The following C5orf24 variants were observed in gnomAD, a reference collection of about 807,000 sequenced individuals.
C5orf24 encodes chromosome 5 open reading frame 24.
Under a neutral mutation model 9.8 loss-of-function variants are expected in C5orf24, and 4 were observed. That is an observed-to-expected ratio of 0.41 (90% CI 0.20 to 0.93). The LOEUF is 0.93. Among genes scored for constraint, C5orf24 ranks in the 40% least tolerant of loss-of-function variants. The pLI, the probability that C5orf24 is intolerant of heterozygous loss-of-function variation, is 0.33. For missense variants in C5orf24, 170 were observed against 236.9 expected (o/e 0.72, Z 1.85); for synonymous variants, 73 against 81.3 (o/e 0.90, Z 0.55).
chr5:134,847,809 C>A (rs1160197168), intron 1 of C5orf24, among the ~76,000 whole-genome samples: 2 of 151,822 alleles, frequency 1.3e-5, no homozygotes, highest in Non-Finnish European at 2.9e-5. Context: ...AAGCGATTCT[C>A]CTGCCTCAGC....
intron 1 of C5orf24, 81 bp from the exon 2 acceptor site, chr5:134,854,817 A>T: frequency 6.8e-7 from 1 of 1,464,118 alleles, no homozygotes; most frequent in Non-Finnish European, 9.3e-7. Flanking sequence ...TGGAAGACAG[A>T]CTGTTTTCTC....
chr5:134,854,259 G>A (rs1756247965), intron 1 of C5orf24, among the ~76,000 whole-genome samples: 1 of 152,094 alleles, frequency 6.6e-6, no homozygotes, highest in Non-Finnish European at 1.5e-5. Context: ...CAGTACCTTG[G>A]GCCAAGAGAT....
chr5:134,847,835 A>C (rs966568074), intron 1 of C5orf24, among the ~76,000 whole-genome samples: 2 of 151,390 alleles, frequency 1.3e-5, no homozygotes, highest in Non-Finnish European at 2.9e-5. Context: ...GAGTAGCTGG[A>C]GTTACAGGCA....
At chr5:134,837,666 CAAA>C in the C5orf24 span, among the ~76,000 whole-genome samples, 3 of 105,330 alleles carry the variant, frequency 2.8e-5, no homozygotes, top group Non-Finnish European at 2.1e-5. Flanking sequence ...GAGAACATAG[CAAA>C]AAAAAAAAAA....
At chr5:134,843,228 C>T (rs755181515), upstream of C5orf24, among the ~76,000 whole-genome samples, 4 of 152,018 alleles carry the variant, frequency 2.6e-5, no homozygotes, top group African/African-American at 7.3e-5. Context: ...CCACCTGCCT[C>T]GGCCTCCCAA....
chr5:134,852,091 C>G (rs948214097), intron 1 of C5orf24, among the ~76,000 whole-genome samples: 14 of 152,202 alleles, frequency 9.2e-5, no homozygotes, highest in Non-Finnish European at 1.6e-4. Flanking sequence ...CAGGCACGTG[C>G]CATCACGCCC....
chr5:134,837,822 C>T, the C5orf24 span, among the ~76,000 whole-genome samples: 2 of 152,148 alleles, frequency 1.3e-5, no homozygotes, highest in African/African-American at 4.8e-5. Flanking sequence ...GCAGCCAAAA[C>T]AGACCAAGAC....
At chr5:134,834,887 T>C in the C5orf24 span, among the ~76,000 whole-genome samples, 5 of 151,596 alleles carry the variant, frequency 3.3e-5, no homozygotes. Context: ...CTACTAAAAA[T>C]AAAAAAAATT....
At chr5:134,835,125 G>T in the C5orf24 span, among the ~76,000 whole-genome samples, 1 of 152,030 alleles carries the variant, frequency 6.6e-6, no homozygotes, top group African/African-American at 2.4e-5. Context: ...AGAACTGCTC[G>T]AGCCCAGGAG....
rs1756291332 is a variant in C5orf24 at position 134,855,645 on chromosome 5, C to T, written c.*178C>T. The T allele has an allele frequency of 6.8e-7, 1 of 1,462,400 alleles. No homozygotes were observed. Among genetic ancestry groups the T allele is most frequent in the Non-Finnish European group, 9.0e-7 (1 of 1,111,510 alleles). 90.6% of individuals were successfully genotyped at this position (1,462,400 alleles called of 1,614,324 possible). A position where few individuals can be genotyped will look rare whatever the true frequency, so the allele number is the denominator to read the frequency against. On this transcript the variant is annotated 3_prime_UTR_variant, in exon 2 of 2. Coordinates refer to ENST00000394976, the MANE Select transcript of C5orf24 (RefSeq NM_001135586.1). ...CATATGCTGACAGATGCACTCAGGG[C>T]ATGAGCAGCGGCATTGTATTTGTAC...
the C5orf24 span, among the ~76,000 whole-genome samples, chr5:134,836,572 C>T: frequency 6.6e-6 from 1 of 151,918 alleles, no homozygotes; most frequent in Non-Finnish European, 1.5e-5. Context: ...GAGATGGAGT[C>T]TCACTCTGTC....
chr5:134,840,801 G>A (rs1263797567), upstream of C5orf24, among the ~76,000 whole-genome samples: 1 of 152,088 alleles, frequency 6.6e-6, no homozygotes, highest in African/African-American at 2.4e-5. Flanking sequence ...CTCCCAAAGT[G>A]CTGGGATTAT....
At chr5:134,838,060 A>G in the C5orf24 span, among the ~76,000 whole-genome samples, 1 of 152,158 alleles carries the variant, frequency 6.6e-6, no homozygotes, top group Admixed American at 6.6e-5. Flanking sequence ...CAGTCTGATC[A>G]ATATAGGGAG....
upstream of C5orf24, among the ~76,000 whole-genome samples, chr5:134,844,526 G>A (rs1755945281): frequency 6.6e-6 from 1 of 152,078 alleles, no homozygotes; most frequent in South Asian, 2.1e-4. Context: ...TTTATTTTTT[G>A]TAGAGACAGA....
the C5orf24 span, among the ~76,000 whole-genome samples, chr5:134,840,398 C>T: frequency 6.6e-6 from 1 of 151,096 alleles, no homozygotes; most frequent in African/African-American, 2.4e-5. Context: ...TTTTTGAGTC[C>T]AGGTCTTGCT....
At chr5:134,850,937 T>TATACACACAC (rs762710710) in intron 1 of C5orf24, among the ~76,000 whole-genome samples, 28 of 147,052 alleles carry the variant, frequency 1.9e-4, no homozygotes, top group African/African-American at 6.5e-4. Flanking sequence ...TATATATATA[T>TATACACACAC]ACACACACAC....
upstream of C5orf24, among the ~76,000 whole-genome samples, chr5:134,841,778 C>A (rs2150169865): frequency 6.6e-6 from 1 of 152,258 alleles, no homozygotes; most frequent in Admixed American, 6.5e-5. Flanking sequence ...GTGCAAGTCA[C>A]ATGGCTATGC....
intron 1 of C5orf24, 50 bp from the exon 2 acceptor site, chr5:134,854,848 A>G (rs1043617508): frequency 1.3e-6 from 2 of 1,568,310 alleles, no homozygotes; most frequent in South Asian, 2.3e-5. Context: ...GCATACAGGT[A>G]TGTATTTGTG....
At chr5:134,844,461 C>T (rs909275007), upstream of C5orf24, among the ~76,000 whole-genome samples, 3 of 152,082 alleles carry the variant, frequency 2.0e-5, no homozygotes, top group African/African-American at 7.2e-5. Context: ...CCTTCTGTCT[C>T]AGCCTCCGTA....
Sources: gnomAD v4.1 joint callset for allele counts (sites outside exome capture counted in the v4.1 genomes callset) on GRCh38, gnomAD v4.1.1 for gene constraint, MANE v1.5 for transcripts, NCBI Gene and HGNC (gene_info 2026-07-23, HGNC 2026-07-21) for gene names.